Variants in AP4E1 observed in about 807,000 individuals in gnomAD.
The protein encoded by AP4E1 is adaptor related protein complex 4 subunit epsilon 1, also known as AP-4 complex subunit epsilon-1.
In AP4E1, 56 loss-of-function variants were observed where a neutral mutation model predicts 128.2. The ratio of observed to expected loss-of-function variants is 0.44; its 90% confidence interval spans 0.35 to 0.55. AP4E1 has a LOEUF of 0.55. Among genes scored for constraint, AP4E1 ranks in the 20% least tolerant of loss-of-function variants. The pLI is 0.00. For missense variants in AP4E1, 1,324 were observed against 1,307.7 expected, an observed-to-expected ratio of 1.01 and a Z score of -0.19; for synonymous variants, 484 against 473.1, an observed-to-expected ratio of 1.02 and a Z score of -0.30.
intron 16 of AP4E1, among the ~76,000 whole-genome samples, chr15:50,987,173 A>T (rs1432765814): frequency 2.0e-5 from 3 of 152,004 alleles, no homozygotes; most frequent in African/African-American, 7.3e-5. Flanking sequence ...ATCATTTTTT[A>T]TTGCATCTAT....
At position 50,941,668 on chromosome 15, in the gene AP4E1, C is replaced by T; in HGVS notation, c.1069C>T (p.Leu357=). 6.2e-7 allele frequency: 1 copy of T among 1,613,078 alleles called. No individual in the cohort carries two copies. The highest frequency in any genetic ancestry group is 8.5e-7 in the Non-Finnish European group (1 of 1,179,216). ...SPKINLKYLG[L]KALTYVIQQD... ...GTATAATGTGTCTTTGTTTCTAGGA[C>T]TGAAGGCTCTTACCTATGTTATCCA... The change falls in exon 10 of 21, where the codon CTG becomes TTG. Residue 357 remains leucine, a splice_region_variant and synonymous_variant. Transcript: ENST00000261842.
At chr15:50,987,688 T>C (rs1303538234) in intron 16 of AP4E1, among the ~76,000 whole-genome samples, 1 of 152,136 alleles carries the variant, frequency 6.6e-6, no homozygotes, top group Non-Finnish European at 1.5e-5. Context: ...TAATTTCTGT[T>C]TTTACATTTG....
intron 16 of AP4E1, among the ~76,000 whole-genome samples, chr15:50,985,786 C>T (rs1406001055): frequency 6.6e-6 from 1 of 152,122 alleles, no homozygotes; most frequent in African/African-American, 2.4e-5. Context: ...ATTGACTTGG[C>T]AATGCGGGCT....
rs777889690 is a variant in AP4E1 at position 50,958,656 on chromosome 15, T to C, written c.1713T>C (p.Val571=). The C allele has an allele frequency of 6.2e-7, 1 of 1,614,104 alleles. No homozygotes were observed. Among genetic ancestry groups the C allele is most frequent in the African/African-American group, 1.3e-5 (1 of 75,038 alleles). ...LTSQAHSSNT[V]ERLIHEFTIS... is the part of the protein sequence containing the mutation. ...CTCAGGCGCACTCTTCTAATACAGT[T>C]GAGAGATTAATCCATGAATTTACCA... Residue 571 remains valine (V), a synonymous_variant, in exon 14 of 21, where the codon GTT becomes GTC. Transcript: ENST00000261842.
In AP4E1 at chr15:50,908,802, G is replaced by C; in HGVS notation, c.24G>C (p.Thr8=). The C allele has an allele frequency of 1.9e-6, 3 of 1,597,740 alleles. No homozygotes were observed. The highest frequency in any genetic ancestry group is 2.7e-5 in the African/African-American group (2 of 74,764). MSDIVEK[T]LTALPGLFLQ... Reference sequence around the variant, plus strand: ...CGATGAGCGACATAGTGGAGAAGACGCTGACGGCGCTGCCGGGACTCTTTC... The same window carrying C: ...CGATGAGCGACATAGTGGAGAAGACCCTGACGGCGCTGCCGGGACTCTTTC... Residue 8 remains threonine, a synonymous_variant, in exon 1 of 21, where the codon ACG becomes ACC. Coordinates refer to ENST00000261842, the MANE Select transcript of AP4E1 (RefSeq NM_007347.5).
chr15:50,973,520 A>G (rs1383333604), intron 15 of AP4E1, among the ~76,000 whole-genome samples: 2 of 152,214 alleles, frequency 1.3e-5, no homozygotes, highest in Admixed American at 1.3e-4. Flanking sequence ...GATCTCTAGC[A>G]CTTATTCATC....
intron 1 of AP4E1, among the ~76,000 whole-genome samples, chr15:50,911,137 A>G (rs1358252174): frequency 1.3e-5 from 2 of 152,182 alleles, no homozygotes; most frequent in Non-Finnish European, 2.9e-5. Context: ...TAGCCATCTG[A>G]TGAACATGTA....
At chr15:50,937,993 C>T (rs1341270250) in intron 8 of AP4E1, among the ~76,000 whole-genome samples, 1 of 151,952 alleles carries the variant, frequency 6.6e-6, no homozygotes, top group African/African-American at 2.4e-5. Flanking sequence ...AAATGGAGTA[C>T]AAGGGACAAA....
chr15:50,983,079 G>A, intron 15 of AP4E1, among the ~76,000 whole-genome samples: 1 of 152,132 alleles, frequency 6.6e-6, no homozygotes, highest in Non-Finnish European at 1.5e-5. Flanking sequence ...AAACAAAGTG[G>A]GACCTCATAC....
chr15:50,992,852 TTA>T (rs1432866228), intron 16 of AP4E1, among the ~76,000 whole-genome samples: 1 of 152,190 alleles, frequency 6.6e-6, no homozygotes, highest in Non-Finnish European at 1.5e-5. Flanking sequence ...CAACTTGAAT[TTA>T]TGTTTCCTGG....
At chr15:50,977,433 C>T (rs940877316) in intron 15 of AP4E1, among the ~76,000 whole-genome samples, 3 of 152,072 alleles carry the variant, frequency 2.0e-5, no homozygotes, top group Middle Eastern at 3.2e-3. Context: ...TGGGATTAAA[C>T]GCTCAAACTA....
In AP4E1 at chr15:51,002,820, C is replaced by A; in HGVS notation, c.*158C>A. 1 of 928,792 alleles carries A rather than the reference C, an allele frequency of 1.1e-6. No individual in the cohort carries two copies. Among genetic ancestry groups the A allele is most frequent in the Non-Finnish European group, 1.6e-6 (1 of 612,334 alleles). The allele number at this position is 928,792 out of a possible 1,614,324, so 57.5% of individuals were successfully genotyped here. A position where few individuals can be genotyped will look rare whatever the true frequency, so the allele number is the denominator to read the frequency against. On this transcript the variant is annotated 3_prime_UTR_variant, in exon 21 of 21. Coordinates refer to ENST00000261842, the MANE Select transcript of AP4E1 (RefSeq NM_007347.5). ...TTTGTGATTCCTGGTCAAGAAAGAT[C>A]CCCAAAACTGTATCCCTAACCTTTA...
intron 8 of AP4E1, 26 bp downstream of exon 8, chr15:50,934,723 C>G (rs1426930095): frequency 2.1e-6 from 3 of 1,421,276 alleles, no homozygotes; most frequent in Non-Finnish European, 3.0e-6. Context: ...AAATATTACT[C>G]TAATGACTAA....
At chr15:50,963,833 G>A (rs2064350967) in intron 14 of AP4E1, among the ~76,000 whole-genome samples, 1 of 152,224 alleles carries the variant, frequency 6.6e-6, no homozygotes, top group Admixed American at 6.5e-5. Context: ...AGATATGTAT[G>A]TCTTTTAAAA....
intron 7 of AP4E1, among the ~76,000 whole-genome samples, chr15:50,934,019 C>T (rs2063871951): frequency 6.6e-6 from 1 of 152,038 alleles, no homozygotes; most frequent in Non-Finnish European, 1.5e-5. Flanking sequence ...AGTGCTAGGG[C>T]ACTAATGCAC....
intron 16 of AP4E1, among the ~76,000 whole-genome samples, chr15:50,989,891 A>G (rs941879808): frequency 1.3e-5 from 2 of 152,208 alleles, no homozygotes; most frequent in African/African-American, 4.8e-5. Context: ...TTTGTTTCCA[A>G]AGAGGACCTC....
At chr15:50,980,609 G>A (rs2064630629) in intron 15 of AP4E1, among the ~76,000 whole-genome samples, 1 of 152,178 alleles carries the variant, frequency 6.6e-6, no homozygotes, top group Admixed American at 6.6e-5. Flanking sequence ...CATTGGGAGA[G>A]TGACACTAAA....
At chr15:50,930,730 A>T in intron 6 of AP4E1, 75 bp from the exon 7 acceptor site, 1 of 1,413,248 alleles carries the variant, frequency 7.1e-7, no homozygotes, top group Non-Finnish European at 1.0e-6. Flanking sequence ...GTCAGGTTCT[A>T]TATGACATTT....
At chr15:50,988,007 C>T (rs1159082600) in intron 16 of AP4E1, among the ~76,000 whole-genome samples, 1 of 152,034 alleles carries the variant, frequency 6.6e-6, no homozygotes, top group Non-Finnish European at 1.5e-5. Context: ...TACATCCAGG[C>T]TGATGTTTAA....
Sources: gnomAD v4.1 joint callset for allele counts (sites outside exome capture counted in the v4.1 genomes callset) on GRCh38, gnomAD v4.1.1 for gene constraint, MANE v1.5 for transcripts, NCBI Gene and HGNC (gene_info 2026-07-23, HGNC 2026-07-21) for gene names.